The following CDH4 variants were observed in gnomAD, a reference collection of about 807,000 sequenced individuals.
CDH4 encodes cadherin 4, also known as cadherin-4.
Under a neutral mutation model 86.0 loss-of-function variants are expected in CDH4, and 33 were observed. That is an observed-to-expected ratio of 0.38 (90% CI 0.29 to 0.51). CDH4 has a LOEUF of 0.51. Among genes scored for constraint, CDH4 ranks in the 20% least tolerant of loss-of-function variants. CDH4 has a pLI of 0.86. For synonymous variants in CDH4, 555 were observed against 549.4 expected (o/e 1.01, Z -0.14); for missense variants, 1,114 against 1,307.4 (o/e 0.85, Z 2.28).
chr20:61,930,166 C>T (rs1245615500), intron 13 of CDH4, among the ~76,000 whole-genome samples: 1 of 152,218 alleles, frequency 6.6e-6, no homozygotes, highest in African/African-American at 2.4e-5. Context: ...CTGTGGGCAG[C>T]TCCCAGGTGG....
intron 2 of CDH4, among the ~76,000 whole-genome samples, chr20:61,458,846 G>A (rs917944274): frequency 3.9e-5 from 6 of 151,980 alleles, no homozygotes; most frequent in Admixed American, 1.3e-4. Context: ...CGATCCCTCA[G>A]TCCTGCTCTA....
chr20:61,901,578 C>T (rs1014812562), intron 8 of CDH4, among the ~76,000 whole-genome samples: 4 of 152,360 alleles, frequency 2.6e-5, no homozygotes, highest in Admixed American at 2.0e-4. Context: ...GTGATGGATC[C>T]GCTGAGCTCC....
chr20:61,630,372 C>T (rs373945792), intron 2 of CDH4, among the ~76,000 whole-genome samples: 32 of 152,320 alleles, frequency 2.1e-4, no homozygotes, highest in East Asian at 5.8e-4. Flanking sequence ...CTCTTGACCA[C>T]GGTCAGCAGG....
chr20:61,702,783 A>G (rs897400066), intron 2 of CDH4, among the ~76,000 whole-genome samples: 7 of 152,108 alleles, frequency 4.6e-5, no homozygotes, highest in Admixed American at 3.9e-4. Context: ...TTATCGTGTT[A>G]TTTTTTTCCA....
At position 61,565,170 on chromosome 20, in the gene CDH4, GGGT is replaced by G. The variant is rs1345477009; in HGVS notation, c.170-178377_170-178375del. Among the ~76,000 whole-genome samples the G allele has an allele frequency of 4.0e-4, 51 of 127,234 alleles. 4 individuals are homozygous for G. The highest frequency in any genetic ancestry group is 1.2e-3 in the East Asian group (5 of 4,328). The allele number at this position is 127,234 out of a possible 152,430, so 83.5% of individuals were successfully genotyped here. ...GTTGGTAGTGGTCCTCTTGGTGATG[GGGT>G]GGTGGTGGTGGTGGTCCTCTTGGTG... On this transcript the variant is annotated intron_variant, in intron 2 of 15. Coordinates refer to ENST00000614565, the MANE Select transcript of CDH4 (RefSeq NM_001794.5).
rs887591835 is a variant in CDH4, at chr20:61,510,894, G to C, written c.170-232669G>C. On this transcript the variant is annotated intron_variant, in intron 2 of 15. Coordinates refer to ENST00000614565, the MANE Select transcript of CDH4 (RefSeq NM_001794.5). This position sits in a 1 kb window ranked among gnomAD's most constrained non-coding sequence, Gnocchi z 4.2. The stretch of plus-strand genomic sequence containing the variant: ...GCCTCAGGAAGCTGACAATGGTGGG[G>C]GAAGGTGAGGGGGTGGGGACAGACA... 6.6e-6 allele frequency among the ~76,000 whole-genome samples: 1 copy of C among 151,790 alleles called. No individual in the cohort carries two copies. Among genetic ancestry groups the C allele is most frequent in the African/African-American group, 2.4e-5 (1 of 41,280 alleles).
chr20:61,606,645 G>A (rs1023423110), intron 2 of CDH4, among the ~76,000 whole-genome samples: 2 of 152,234 alleles, frequency 1.3e-5, no homozygotes, highest in Non-Finnish European at 1.5e-5. Flanking sequence ...TCAGTGGCCT[G>A]TCCTGGGAAG....
chr20:61,436,111 A>T (rs370563411), intron 2 of CDH4, among the ~76,000 whole-genome samples: 1 of 151,990 alleles, frequency 6.6e-6, no homozygotes, highest in Non-Finnish European at 1.5e-5. Context: ...GTCACTTCCC[A>T]GTGGAGCTGG....
intron 2 of CDH4, among the ~76,000 whole-genome samples, chr20:61,495,388 C>A (rs981051843): frequency 2.8e-4 from 43 of 152,274 alleles, no homozygotes; most frequent in African/African-American, 1.0e-3. Flanking sequence ...GAGCCTGGAA[C>A]CCCTCCCCCC....
At chr20:61,766,270 C>T (rs959078498) in intron 3 of CDH4, among the ~76,000 whole-genome samples, 1 of 150,202 alleles carries the variant, frequency 6.7e-6, no homozygotes, top group Non-Finnish European at 1.5e-5. Context: ...CTGGCCTGGG[C>T]CTCAGTTTCC....
At chr20:61,335,410 G>A (rs1455559946) in intron 2 of CDH4, among the ~76,000 whole-genome samples, 1 of 152,220 alleles carries the variant, frequency 6.6e-6, no homozygotes, top group Non-Finnish European at 1.5e-5. Context: ...GCACAGATGT[G>A]ATTATTGGCA....
At chr20:61,419,352 G>A (rs1027984167) in intron 2 of CDH4, among the ~76,000 whole-genome samples, 3 of 152,180 alleles carry the variant, frequency 2.0e-5, no homozygotes, top group Non-Finnish European at 4.4e-5. Context: ...GGGACTATAA[G>A]GATCTTTCTG....
intron 2 of CDH4, among the ~76,000 whole-genome samples, chr20:61,561,225 C>A (rs142962770): frequency 6.6e-6 from 1 of 152,158 alleles, no homozygotes; most frequent in African/African-American, 2.4e-5. Context: ...CTGTTCATGT[C>A]CTCTGCATCT....
rs555060815 is a variant in CDH4 at position 61,663,913 on chromosome 20, G to A, written c.170-79650G>A. ...CGCTGGCGCCAGCATCTGTGCCCGC[G>A]GCAGTTTAGAGTGACACTGTCCTCT... is the stretch of plus-strand genomic sequence containing the variant. On this transcript the variant is annotated intron_variant, in intron 2 of 15. Transcript: ENST00000614565. The surrounding 1 kb of genome is among the most constrained non-coding windows in gnomAD (Gnocchi z 5.0). 2.0e-5 allele frequency among the ~76,000 whole-genome samples: 3 copies of A among 152,292 alleles called. No individual in the cohort carries two copies. Among genetic ancestry groups the A allele is most frequent in the East Asian group, 1.9e-4 (1 of 5,164 alleles).
intron 2 of CDH4, among the ~76,000 whole-genome samples, chr20:61,385,521 TAG>T: frequency 6.6e-6 from 1 of 152,208 alleles, no homozygotes; most frequent in Non-Finnish European, 1.5e-5. Context: ...CAGCTCATCT[TAG>T]CCTTAATGCA....
intron 2 of CDH4, among the ~76,000 whole-genome samples, chr20:61,415,347 TA>T (rs1254839625): frequency 1.3e-5 from 2 of 152,328 alleles, no homozygotes; most frequent in Admixed American, 1.3e-4. Context: ...AAAGAAACAG[TA>T]AAACTAATTC....
chr20:61,255,236 C>T (rs888415386), intron 2 of CDH4, among the ~76,000 whole-genome samples: 2 of 152,216 alleles, frequency 1.3e-5, no homozygotes, highest in Non-Finnish European at 2.9e-5. Context: ...TATTTTTATG[C>T]ATGAAGTTCT....
intron 2 of CDH4, among the ~76,000 whole-genome samples, chr20:61,633,624 G>C (rs999941190): frequency 6.6e-6 from 1 of 152,188 alleles, no homozygotes; most frequent in Non-Finnish European, 1.5e-5. Flanking sequence ...ATCTATCATG[G>C]TGGTAAAAAG....
intron 2 of CDH4, among the ~76,000 whole-genome samples, chr20:61,287,846 G>A (rs563899373): frequency 6.6e-6 from 1 of 152,184 alleles, no homozygotes; most frequent in East Asian, 1.9e-4. Context: ...AGCCTCCTGG[G>A]GTTGCTGTGG....
Sources: gnomAD v4.1 joint callset for allele counts (sites outside exome capture counted in the v4.1 genomes callset) on GRCh38, gnomAD v4.1.1 for gene constraint, Gnocchi (gnomAD v3.1) non-coding constraint, MANE v1.5 for transcripts, NCBI Gene and HGNC (gene_info 2026-07-23, HGNC 2026-07-21) for gene names.